Variants in ARMC3 observed in about 807,000 individuals in gnomAD.
ARMC3 encodes the protein armadillo repeat containing 3.
ARMC3 carries 74 observed loss-of-function variants against 90.3 expected under a neutral mutation model. That is an observed-to-expected ratio of 0.82 (90% CI 0.68 to 0.99). The LOEUF (loss-of-function observed/expected upper bound fraction) is 0.99, where lower values mean the gene tolerates loss of function less well. Ranked by LOEUF, ARMC3 falls within the 50% of genes least tolerant of loss-of-function variation. The pLI, the probability that ARMC3 is intolerant of heterozygous loss-of-function variation, is 0.00. For synonymous variants in ARMC3, 334 were observed against 361.8 expected (o/e 0.92, Z 0.87); for missense variants, 958 against 1,042.8 (o/e 0.92, Z 1.12).
chr10:23,021,840 A>G (rs12257453), intron 16 of ARMC3, among the ~76,000 whole-genome samples: 18,054 of 152,076 alleles, frequency 0.12, 1,519 homozygotes, highest in African/African-American at 0.24. Context: ...CTGTTCAGTC[A>G]TGAGCATTCT....
chr10:23,009,421 G>A (rs925537024), intron 16 of ARMC3, among the ~76,000 whole-genome samples: 1 of 152,224 alleles, frequency 6.6e-6, no homozygotes, highest in Non-Finnish European at 1.5e-5. Context: ...GAATGAGGAG[G>A]AGGAGAGGCA....
intron 6 of ARMC3, chr10:22,959,950 T>A (rs1384756210): frequency 2.5e-6 from 1 of 401,112 alleles, no homozygotes; most frequent in Non-Finnish European, 4.8e-6. Context: ...CTATTCAATG[T>A]ACTGAGATTT....
chr10:22,958,817 G>A (rs982687530), intron 4 of ARMC3, among the ~76,000 whole-genome samples: 2 of 152,116 alleles, frequency 1.3e-5, no homozygotes, highest in African/African-American at 2.4e-5. Flanking sequence ...TGCCTCCCAG[G>A]TTCAAGCGAT....
At chr10:22,981,762 T>TCTTACTGTTAATATA in intron 10 of ARMC3, 62 bp downstream of exon 10, 1 of 1,370,804 alleles carries the variant, frequency 7.3e-7, no homozygotes, top group Non-Finnish European at 1.0e-6. Context: ...CAAGATGTTC[T>TCTTACTGTTAATATA]CCTGTTAGTA....
Position 22,931,966 on chromosome 10 carries a change from A to G in ARMC3, c.-1-30A>G, listed in dbSNP as rs533295835. On this transcript the variant is annotated intron_variant, in intron 1 of 18. Coordinates refer to ENST00000298032, the MANE Select transcript of ARMC3 (RefSeq NM_173081.5). ...ATTGAGAAATGTATGTGCAAATGTC[A>G]CTTTAACCATATATTGCATCTTTTT... The G allele has an allele frequency of 5.1e-6, 8 of 1,577,806 alleles. No homozygotes were observed. In the South Asian group the frequency reaches 8.1e-5, roughly 16 times the overall value.
chr10:22,966,438 C>G (rs1010164041), intron 7 of ARMC3, among the ~76,000 whole-genome samples: 2 of 152,206 alleles, frequency 1.3e-5, no homozygotes, highest in Admixed American at 1.3e-4. Flanking sequence ...TTATTTTCAC[C>G]AGGGTCCCTG....
At chr10:23,006,677 G>A (rs535415960) in intron 13 of ARMC3, 2 of 507,834 alleles carry the variant, frequency 3.9e-6, no homozygotes, top group East Asian at 7.1e-5. Context: ...GAGATGATAA[G>A]GAACTGGATC....
intron 8 of ARMC3, among the ~76,000 whole-genome samples, 186 bp downstream of exon 8, chr10:22,968,675 T>C (rs947993092): frequency 6.6e-6 from 1 of 152,114 alleles, no homozygotes; most frequent in African/African-American, 2.4e-5. Flanking sequence ...CTAATTTTTG[T>C]ATTTTTTGTA....
At chr10:22,935,745 A>G (rs1449561704) in intron 2 of ARMC3, among the ~76,000 whole-genome samples, 1 of 152,238 alleles carries the variant, frequency 6.6e-6, no homozygotes, top group Non-Finnish European at 1.5e-5. Context: ...CAGCTTGCTC[A>G]CCTTACTCCA....
intron 3 of ARMC3, among the ~76,000 whole-genome samples, chr10:22,950,681 G>T (rs1243127752): frequency 6.6e-6 from 1 of 152,114 alleles, no homozygotes; most frequent in Non-Finnish European, 1.5e-5. Flanking sequence ...TTATCAGGGA[G>T]AAATTGGTAT....
chr10:23,003,224 T>C (rs775643520), intron 12 of ARMC3, 22 bp from the exon 13 acceptor site: 9 of 1,602,128 alleles, frequency 5.6e-6, no homozygotes, highest in Non-Finnish European at 7.7e-6. Flanking sequence ...AAGCAAATAA[T>C]GCTTTTTGCT....
At chr10:22,982,374 C>T (rs887363603) in intron 10 of ARMC3, among the ~76,000 whole-genome samples, 8 of 152,108 alleles carry the variant, frequency 5.3e-5, no homozygotes, top group Non-Finnish European at 1.2e-4. Flanking sequence ...AGCGAGGCTC[C>T]GCTTCAAACA....
intron 8 of ARMC3, among the ~76,000 whole-genome samples, chr10:22,979,232 T>G (rs1367039990): frequency 6.6e-6 from 1 of 152,236 alleles, no homozygotes; most frequent in Non-Finnish European, 1.5e-5. Context: ...CATTATGCTA[T>G]TAGTAGCATA....
chr10:23,027,369 G>A (rs1223292513), intron 16 of ARMC3, among the ~76,000 whole-genome samples: 2 of 152,170 alleles, frequency 1.3e-5, no homozygotes, highest in Admixed American at 6.6e-5. Context: ...TTATCTGTAA[G>A]TATTTTATTT....
intron 14 of ARMC3, among the ~76,000 whole-genome samples, chr10:23,007,995 T>C (rs1360569487): frequency 3.3e-5 from 5 of 152,036 alleles, no homozygotes; most frequent in Non-Finnish European, 7.4e-5. Flanking sequence ...TCCCAGCTAC[T>C]TGGGGGACTG....
intron 7 of ARMC3, among the ~76,000 whole-genome samples, chr10:22,967,065 C>T (rs1835472438): frequency 6.6e-6 from 1 of 151,980 alleles, no homozygotes; most frequent in African/African-American, 2.4e-5. Flanking sequence ...GTCCAAAATC[C>T]ACAGGTTAGA....
intron 6 of ARMC3, chr10:22,961,132 G>A (rs1271669624): frequency 6.6e-6 from 1 of 152,212 alleles, no homozygotes; most frequent in Non-Finnish European, 1.5e-5. Context: ...GTGTCTAAAG[G>A]AAGCTGAATA....
At chr10:23,025,295 A>G (rs1838672847) in intron 16 of ARMC3, among the ~76,000 whole-genome samples, 1 of 152,180 alleles carries the variant, frequency 6.6e-6, no homozygotes, top group Non-Finnish European at 1.5e-5. Flanking sequence ...CAATAACAGC[A>G]GAATACACGT....
At chr10:23,019,925 G>T (rs1047540870) in intron 16 of ARMC3, among the ~76,000 whole-genome samples, 12 of 152,310 alleles carry the variant, frequency 7.9e-5, no homozygotes, top group Middle Eastern at 3.4e-3. Flanking sequence ...TTTCCACTCA[G>T]TGTAATGCCT....
Sources: gnomAD v4.1 joint callset for allele counts (sites outside exome capture counted in the v4.1 genomes callset) on GRCh38, gnomAD v4.1.1 for gene constraint, MANE v1.5 for transcripts, NCBI Gene and HGNC (gene_info 2026-07-23, HGNC 2026-07-21) for gene names.